The following SF3A3 variants were observed in gnomAD, a reference collection of about 807,000 sequenced individuals.
SF3A3 encodes SAP 61.
In SF3A3, 9 loss-of-function variants were observed where a neutral mutation model predicts 85.8. The observed-to-expected ratio is 0.10, with a 90% CI of 0.06 to 0.18. SF3A3 has a LOEUF of 0.18. Ranked by LOEUF, SF3A3 falls within the 10% of genes least tolerant of loss-of-function variation. SF3A3 has a pLI of 1.00. For missense variants in SF3A3, 306 were observed against 593.3 expected (o/e 0.52, Z 5.03); for synonymous variants, 195 against 204.4 (o/e 0.95, Z 0.39).
intron 10 of SF3A3, 77 bp from the exon 11 acceptor site, chr1:37,978,904 C>CA (rs1243956326): frequency 3.4e-5 from 53 of 1,546,634 alleles, no homozygotes; most frequent in Middle Eastern, 1.7e-4. Context: ...TGTGGAGCAA[C>CA]AAAAAAAATG....
chr1:37,978,794 A>C lies in SF3A3; in HGVS notation c.861T>G (p.Ser287Arg), dbSNP rs1427496999. 1 of 1,573,732 alleles carries C rather than the reference A, an allele frequency of 6.4e-7. No individual in the cohort carries two copies. Among genetic ancestry groups the C allele is most frequent in the Non-Finnish European group, 8.6e-7 (1 of 1,157,768 alleles). ...TLEERAQRLFSTKGKSLESLD... is the reference protein window; with the variant it reads ...TLEERAQRLFRTKGKSLESLD... Reference sequence around the variant, plus strand: ...GTGACTCCAGGGACTTTCCTTTGGTACTGAATAGTCTCTGGGCTCGCTCTT... The same window carrying C: ...GTGACTCCAGGGACTTTCCTTTGGTCCTGAATAGTCTCTGGGCTCGCTCTT... The change falls in exon 11 of 17, where the codon AGT (serine) becomes AGG (arginine). Residue 287 changes from serine to arginine, a missense_variant. Ser to Arg is a moderately radical substitution (Grantham distance 110). Coordinates refer to ENST00000373019, the MANE Select transcript of SF3A3 (RefSeq NM_006802.4).
Position 37,984,224 on chromosome 1 carries a change from C to T in SF3A3, c.413G>A (p.Arg138His), listed in dbSNP as rs777542297. ...GTAACAGTCATGGAGATCGAGATAA[C>T]GACCATATCCCTCTTCATCTGTGAA... ...VEFTDEEGYG[R>H]YLDLHDCYLK... is the part of the protein sequence containing the mutation. Residue 138 changes from arginine to histidine, a missense_variant, in exon 6 of 17, where the codon CGT (arginine) becomes CAT (histidine). By Grantham distance (29) the Arg-to-His change is conservative. This residue lies in a region of SF3A3 where 152 missense variants were observed against 192.0 expected (regional missense o/e 0.79). Coordinates refer to ENST00000373019, the MANE Select transcript of SF3A3 (RefSeq NM_006802.4). The T allele has an allele frequency of 3.1e-6, 5 of 1,608,658 alleles. No individual in the cohort carries two copies. The highest frequency in any genetic ancestry group is 1.7e-5 in the Admixed American group (1 of 59,824).
chr1:37,977,418 C>T (rs975542719), intron 11 of SF3A3, among the ~76,000 whole-genome samples: 4 of 152,150 alleles, frequency 2.6e-5, no homozygotes, highest in African/African-American at 4.8e-5. Flanking sequence ...TAAGAAAATA[C>T]TGGGCCAGGC....
intron 12 of SF3A3, among the ~76,000 whole-genome samples, chr1:37,972,971 G>A (rs1570461074): frequency 6.6e-6 from 1 of 152,018 alleles, no homozygotes; most frequent in Non-Finnish European, 1.5e-5. Context: ...ACCTGAGGTC[G>A]GGAGTTCGAG....
chr1:37,966,515 C>G (rs1646301350), intron 15 of SF3A3, among the ~76,000 whole-genome samples: 1 of 152,148 alleles, frequency 6.6e-6, no homozygotes, highest in Non-Finnish European at 1.5e-5. Context: ...TCCATACAAC[C>G]ATTCAATCAA....
At position 37,960,117 on chromosome 1, in the gene SF3A3, C is replaced by T; in HGVS notation, c.1428+3G>A. On this transcript the variant is annotated splice_donor_region_variant and intron_variant, in intron 16 of 16. Coordinates refer to ENST00000373019, the MANE Select transcript of SF3A3 (RefSeq NM_006802.4). ...CCCTAACACCATCCACATTAGTACCCACCTCAGTGTCAGGCTGCCATCGTT... is the reference window on the plus strand; with the variant it reads ...CCCTAACACCATCCACATTAGTACCTACCTCAGTGTCAGGCTGCCATCGTT... 1 of 1,613,468 alleles carries T rather than the reference C, an allele frequency of 6.2e-7. No homozygotes were observed. The highest frequency in any genetic ancestry group is 8.5e-7 in the Non-Finnish European group (1 of 1,179,556).
chr1:37,976,875 G>A lies in SF3A3; in HGVS notation c.1005+9C>T, dbSNP rs10890216. ...TACCATTTTCCACTTTCAGCAGTCA[G>A]TCACTTACCCCGAGAATCTCTACAT... is the stretch of plus-strand genomic sequence containing the variant. On this transcript the variant is annotated intron_variant, in intron 12 of 16. Transcript: ENST00000373019. 1,364,102 of 1,553,944 alleles carry A rather than the reference G, an allele frequency of 0.88. 600,158 individuals carry two copies. Among genetic ancestry groups the A allele is most frequent in the East Asian group, 1 (44,563 of 44,586 alleles).
intron 12 of SF3A3, 75 bp from the exon 13 acceptor site, chr1:37,969,810 A>G: frequency 2.6e-6 from 4 of 1,520,340 alleles, no homozygotes; most frequent in African/African-American, 1.4e-5. Context: ...GTTTTCCTGT[A>G]ACTTTTGCTG....
Position 37,984,697 on chromosome 1 carries a change from C to G in SF3A3, c.376+10G>C, listed in dbSNP as rs753650002. The G allele has an allele frequency of 1.7e-5, 28 of 1,600,136 alleles. No individual in the cohort carries two copies. Among genetic ancestry groups the G allele is most frequent in the South Asian group, 4.4e-5 (4 of 90,816 alleles). The stretch of plus-strand genomic sequence containing the variant: ...TGCTGGTGCTGAATGAAATTTTCAC[C>G]CCTACTTACTTTGTGCCTCTTCACT... On this transcript the variant is annotated intron_variant, in intron 5 of 16. Transcript: ENST00000373019.
Position 37,957,951 on chromosome 1 carries a change from T to C in SF3A3, c.*235A>G. On this transcript the variant is annotated 3_prime_UTR_variant, in exon 17 of 17. Transcript: ENST00000373019. ...GAAGCACTGAGTTGGTCCATAACCC[T>C]GGGCTTTAGAACAAGGTCTGGTTTT... 3.9e-6 allele frequency: 2 copies of C among 515,826 alleles called. No homozygotes were observed. Among genetic ancestry groups the C allele is most frequent in the Non-Finnish European group, 6.9e-6 (2 of 287,978 alleles). 32.0% of individuals were successfully genotyped at this position (515,826 alleles called of 1,614,324 possible). A position where few individuals can be genotyped will look rare whatever the true frequency, so the allele number is the denominator to read the frequency against.
intron 15 of SF3A3, 52 bp downstream of exon 15, chr1:37,967,992 G>C: frequency 9.2e-7 from 1 of 1,088,744 alleles, no homozygotes; most frequent in Admixed American, 1.7e-5. Context: ...CTGAATTGAA[G>C]GAGTAGAGCC....
intron 15 of SF3A3, among the ~76,000 whole-genome samples, chr1:37,965,302 C>CAAAAAAAAA (rs55747818): frequency 2.0e-5 from 2 of 100,390 alleles, no homozygotes; most frequent in African/African-American, 4.0e-5. Context: ...CCCATCGGCA[C>CAAAAAAAAA]AAAAAAAAAA....
At chr1:37,974,236 A>T (rs944437930) in intron 12 of SF3A3, among the ~76,000 whole-genome samples, 1 of 151,964 alleles carries the variant, frequency 6.6e-6, no homozygotes, top group African/African-American at 2.4e-5. Context: ...ATAAAAAAAA[A>T]TTAAAAAAAA....
intron 5 of SF3A3, 110 bp from the exon 6 acceptor site, chr1:37,984,370 A>G (rs1646440877): frequency 1.5e-6 from 1 of 673,532 alleles, no homozygotes; most frequent in Admixed American, 2.4e-5. Flanking sequence ...ACTTCACCCA[A>G]ATGTCTTCCC....
chr1:37,973,323 C>CA (rs1467119387), intron 12 of SF3A3, among the ~76,000 whole-genome samples: 3 of 151,734 alleles, frequency 2.0e-5, no homozygotes, highest in Non-Finnish European at 2.9e-5. Flanking sequence ...AAAGCAATGG[C>CA]AAAAAAAAGC....
chr1:37,973,174 G>A (rs562372570), intron 12 of SF3A3, among the ~76,000 whole-genome samples: 1 of 151,836 alleles, frequency 6.6e-6, no homozygotes, highest in African/African-American at 2.4e-5. Flanking sequence ...GTGAGACTCT[G>A]TCTCCAACAA....
chr1:37,987,614 G>C lies in SF3A3; in HGVS notation c.262C>G (p.Leu88Val). 1 of 1,614,008 alleles carries C rather than the reference G, an allele frequency of 6.2e-7. No individual in the cohort carries two copies. Among genetic ancestry groups the C allele is most frequent in the South Asian group, 1.1e-5 (1 of 91,074 alleles). Residue 88 changes from leucine to valine, a missense_variant, in exon 4 of 17, where the codon CTC (leucine) becomes GTC (valine). Coordinates refer to ENST00000373019, the MANE Select transcript of SF3A3 (RefSeq NM_006802.4). The part of the protein sequence containing the change: ...PNEFAEFYNR[L>V]KQIKEFHRKH... ...CGGTGGAATTCCTTTATTTGCTTGAGTCTATTATAGAATTCAGCAAACTCA... is the reference window on the plus strand; with the variant it reads ...CGGTGGAATTCCTTTATTTGCTTGACTCTATTATAGAATTCAGCAAACTCA...
At chr1:37,962,709 TAAA>T (rs943664102) in intron 15 of SF3A3, among the ~76,000 whole-genome samples, 1 of 149,342 alleles carries the variant, frequency 6.7e-6, no homozygotes. Context: ...TTTGTACAGT[TAAA>T]AAAAAATCAT....
chr1:37,963,642 C>T (rs1419199290), intron 15 of SF3A3, among the ~76,000 whole-genome samples: 12 of 150,740 alleles, frequency 8.0e-5, no homozygotes, highest in African/African-American at 2.4e-4. Flanking sequence ...CTGCAAGCTC[C>T]GCCTCCTGGG....
Sources: allele counts gnomAD v4.1 joint callset (sites outside exome capture counted in the v4.1 genomes callset), GRCh38; gene constraint gnomAD v4.1.1; regional missense constraint gnomAD v4.1.1; transcripts MANE v1.5; gene names NCBI Gene and HGNC (gene_info 2026-07-23, HGNC 2026-07-21).